The following GCC2 variants were observed in gnomAD, a reference collection of about 807,000 sequenced individuals.
The protein encoded by GCC2 is GRIP and coiled-coil domain-containing protein 2.
A neutral mutation model predicts 210.6 loss-of-function variants in GCC2; 120 were observed. The ratio of observed to expected loss-of-function variants is 0.57; its 90% CI spans 0.49 to 0.66. GCC2 has a LOEUF of 0.66. Ranked by LOEUF, GCC2 falls within the 30% of genes least tolerant of loss-of-function variation. GCC2 has a pLI of 0.00. For synonymous variants in GCC2, 703 were observed against 652.7 expected, an observed-to-expected ratio of 1.08 and a Z score of -1.17; for missense variants, 1,868 against 1,871.9, an observed-to-expected ratio of 1.00 and a Z score of 0.04.
At chr2:108,497,487 G>GA (rs1682703545) in intron 21 of GCC2, among the ~76,000 whole-genome samples, 1 of 152,210 alleles carries the variant, frequency 6.6e-6, no homozygotes, top group East Asian at 1.9e-4. Context: ...AACCGTAATA[G>GA]ATTTAGAAAC....
intron 18 of GCC2, among the ~76,000 whole-genome samples, chr2:108,491,844 T>G (rs1001249388): frequency 6.6e-6 from 1 of 151,912 alleles, no homozygotes; most frequent in Non-Finnish European, 1.5e-5. Flanking sequence ...CCATTAAAAG[T>G]GATGGTTCCC....
chr2:108,483,147 A>G lies in GCC2; in HGVS notation c.3431A>G (p.Glu1144Gly), dbSNP rs1681959296. The G allele has an allele frequency of 2.0e-6, 3 of 1,523,356 alleles. No homozygotes were observed. Among genetic ancestry groups the G allele is most frequent in the Non-Finnish European group, 2.7e-6 (3 of 1,098,624 alleles). 94.4% of individuals were successfully genotyped at this position (1,523,356 alleles called of 1,614,324 possible). A position where few individuals can be genotyped will look rare whatever the true frequency, so the allele number is the denominator to read the frequency against. Residue 1144 changes from glutamate to glycine, a missense_variant, in exon 12 of 23, where the codon GAA becomes GGA. Physicochemically the swap from Glu to Gly is moderately conservative, Grantham distance 98. Transcript: ENST00000309863. ...AAACAGCTTCAGAAAACCATGCAAG[A>G]ATTAGAGCTGGTTAAAAAGGTAAAA... is the stretch of plus-strand genomic sequence containing the variant. ...QKKQLQKTMQ[E>G]LELVKKDAQQ...
At chr2:108,504,123 A>T (rs184081088) in intron 22 of GCC2, among the ~76,000 whole-genome samples, 572 of 151,886 alleles carry the variant, frequency 3.8e-3, no homozygotes, top group South Asian at 0.012. Context: ...CCCCATCTTT[A>T]AAAAAAAATT....
At chr2:108,505,670 G>A (rs766659787) in intron 22 of GCC2, among the ~76,000 whole-genome samples, 5 of 151,742 alleles carry the variant, frequency 3.3e-5, no homozygotes, top group Non-Finnish European at 7.4e-5. Flanking sequence ...ACATAAGTTT[G>A]GAAGTAGATT....
intron 9 of GCC2, among the ~76,000 whole-genome samples, chr2:108,477,866 C>T (rs1385575010): frequency 1.3e-5 from 2 of 151,982 alleles, no homozygotes; most frequent in Non-Finnish European, 2.9e-5. Flanking sequence ...GCCAACACAG[C>T]GAAACCCTGT....
intron 4 of GCC2, among the ~76,000 whole-genome samples, chr2:108,459,745 C>CTTTTGTTTTTTTTT (rs1680456827): frequency 3.7e-5 from 1 of 26,766 alleles, no homozygotes; most frequent in African/African-American, 1.3e-4. Flanking sequence ...CCTTCTTTGT[C>CTTTTGTTTTTTTTT]TTTTTTTTTT....
At chr2:108,462,456 T>C (rs1680644057) in intron 4 of GCC2, 1 of 146,150 alleles carries the variant, frequency 6.8e-6, no homozygotes, top group South Asian at 2.4e-4. Context: ...ATCATGCCAC[T>C]GCACTCCAGC....
At chr2:108,476,718 T>TA (rs1681547507) in intron 9 of GCC2, among the ~76,000 whole-genome samples, 1 of 152,110 alleles carries the variant, frequency 6.6e-6, no homozygotes, top group Non-Finnish European at 1.5e-5. Flanking sequence ...ATTCAGCAAA[T>TA]GTTATGTGGC....
At chr2:108,452,555 T>G in intron 4 of GCC2, 89 bp downstream of exon 4, 1 of 781,078 alleles carries the variant, frequency 1.3e-6, no homozygotes, top group Non-Finnish European at 2.3e-6. Flanking sequence ...TTTCTGTTTC[T>G]GTTCTACTTC....
chr2:108,479,506 T>C (rs976687259), intron 9 of GCC2, among the ~76,000 whole-genome samples: 3 of 151,916 alleles, frequency 2.0e-5, no homozygotes, highest in African/African-American at 7.3e-5. Flanking sequence ...TTGGCTGTAG[T>C]GGCACACACC....
chr2:108,489,438 C>A (rs1466526544), intron 17 of GCC2, among the ~76,000 whole-genome samples: 1 of 151,912 alleles, frequency 6.6e-6, no homozygotes, highest in Non-Finnish European at 1.5e-5. Flanking sequence ...TCACTTGAAC[C>A]TGGGAGGCGG....
intron 4 of GCC2, among the ~76,000 whole-genome samples, chr2:108,454,298 T>G (rs1680125670): frequency 6.6e-6 from 1 of 152,202 alleles, no homozygotes; most frequent in South Asian, 2.1e-4. Context: ...CCTGGTTATA[T>G]ATTATCTTAT....
At chr2:108,492,933 T>G (rs1682476845) in intron 19 of GCC2, 143 bp downstream of exon 19, 2 of 667,894 alleles carry the variant, frequency 3.0e-6, no homozygotes, top group Non-Finnish European at 5.3e-6. Flanking sequence ...TTGGATTTGC[T>G]TACTAGAAAG....
intron 13 of GCC2, among the ~76,000 whole-genome samples, chr2:108,485,240 G>T (rs1215100510): frequency 1.3e-5 from 2 of 150,760 alleles, no homozygotes; most frequent in South Asian, 2.1e-4. Flanking sequence ...GTTAGTGGGC[G>T]CAGCACACCA....
At chr2:108,453,167 C>T (rs938444841) in intron 4 of GCC2, among the ~76,000 whole-genome samples, 2 of 152,218 alleles carry the variant, frequency 1.3e-5, no homozygotes, top group Non-Finnish European at 2.9e-5. Flanking sequence ...CCCTCTCACA[C>T]ATTTCACTTA....
intron 22 of GCC2, among the ~76,000 whole-genome samples, chr2:108,505,963 C>CATA (rs1683163452): frequency 6.6e-6 from 1 of 152,060 alleles, no homozygotes. Flanking sequence ...AACTGACATA[C>CATA]ATATATACGT....
rs749153398 is a variant in GCC2, at chr2:108,471,836, A to T, written c.2507A>T (p.Tyr836Phe). The change falls in exon 6 of 23, where the codon TAT (tyrosine) becomes TTT (phenylalanine). Residue 836 changes from tyrosine to phenylalanine, a missense_variant. Physicochemically the swap from Tyr to Phe is conservative, Grantham distance 22 (BLOSUM62 3). This residue lies in a region of GCC2 where 1,847 missense variants were observed against 1,765.2 expected (regional missense o/e 1.05). Coordinates refer to ENST00000309863, the MANE Select transcript of GCC2 (RefSeq NM_181453.4). Reference protein sequence around the residue: ...CEELKSLLRDYEQEKVLLRKE... With the variant: ...CEELKSLLRDFEQEKVLLRKE... ...GAACTTAAGTCTTTATTGAGAGACT[A>T]TGAGCAAGAGAAAGTTCTCTTAAGG... The T allele has an allele frequency of 1.2e-6, 2 of 1,613,558 alleles. No individual in the cohort carries two copies. Among genetic ancestry groups the T allele is most frequent in the Non-Finnish European group, 1.7e-6 (2 of 1,179,648 alleles).
At chr2:108,486,480 G>T in intron 15 of GCC2, 31 bp from the exon 16 acceptor site, 1 of 1,612,366 alleles carries the variant, frequency 6.2e-7, no homozygotes, top group Non-Finnish European at 8.5e-7. Flanking sequence ...GATAGGATTT[G>T]CTAAAGCTAA....
intron 4 of GCC2, among the ~76,000 whole-genome samples, chr2:108,464,745 A>T (rs2718714): frequency 0.22 from 33,226 of 152,036 alleles, 4,000 homozygotes; most frequent in African/African-American, 0.31. Flanking sequence ...GAAGGATGGA[A>T]GGAAGGAGGG....
Sources: gnomAD v4.1 joint callset for allele counts (sites outside exome capture counted in the v4.1 genomes callset) on GRCh38, gnomAD v4.1.1 for gene constraint, gnomAD v4.1.1 regional missense constraint, MANE v1.5 for transcripts, NCBI Gene and HGNC (gene_info 2026-07-23, HGNC 2026-07-21) for gene names.